The following LRRK2 variants were observed in gnomAD, a reference collection of about 807,000 sequenced individuals.
LRRK2 encodes leucine-rich repeat serine/threonine-protein kinase 2.
Under a neutral mutation model 302.6 loss-of-function variants are expected in LRRK2, and 203 were observed. The observed-to-expected ratio is 0.67, with a 90% CI of 0.60 to 0.75. The LOEUF is 0.75. Ranked by LOEUF, LRRK2 falls within the 30% of genes least tolerant of loss-of-function variation. LRRK2 has a pLI of 0.00. For synonymous variants in LRRK2, 1,066 were observed against 1,031.9 expected, an observed-to-expected ratio of 1.03 and a Z score of -0.63; for missense variants, 2,830 against 2,951.0, an observed-to-expected ratio of 0.96 and a Z score of 0.95.
chr12:40,240,671 TC>T, intron 6 of LRRK2, 54 bp downstream of exon 6: 1 of 1,494,056 alleles, frequency 6.7e-7, no homozygotes, highest in Non-Finnish European at 9.3e-7. Flanking sequence ...TTACAATATA[TC>T]TCATTCTGAG....
At chr12:40,331,395 T>C (rs560664214) in intron 39 of LRRK2, among the ~76,000 whole-genome samples, 14 of 152,204 alleles carry the variant, frequency 9.2e-5, no homozygotes, top group Non-Finnish European at 1.3e-4. Flanking sequence ...AGGCAGGCTT[T>C]GCTCTCTAGA....
chr12:40,363,458 C>T lies in LRRK2; in HGVS notation c.7085C>T (p.Ala2362Val), dbSNP rs1025189687. ...ATCATAACAGTGGTGGTAGACACTG[C>T]TCTCTATATTGCTAAGCAAAATAGC... ...SNIITVVVDT[A>V]LYIAKQNSPV... The change falls in exon 48 of 51, where the codon GCT becomes GTT. Residue 2362 changes from alanine (A) to valine (V), a missense_variant. Around this residue, in one of 3 missense-constraint regions of LRRK2, gnomAD observed 456 missense variants for 456.3 expected, o/e 1.00. Coordinates refer to ENST00000298910, the MANE Select transcript of LRRK2 (RefSeq NM_198578.4). 2 of 1,611,942 alleles carry T rather than the reference C, an allele frequency of 1.2e-6. No homozygotes were observed. Among genetic ancestry groups the T allele is most frequent in the East Asian group, 2.2e-5 (1 of 44,758 alleles).
At chr12:40,365,889 A>G (rs1041101950) in intron 49 of LRRK2, 2 of 151,944 alleles carry the variant, frequency 1.3e-5, no homozygotes, top group African/African-American at 4.8e-5. Context: ...ATGACTGTAA[A>G]CTATTAAGAT....
At chr12:40,336,359 A>G (rs558668878) in intron 40 of LRRK2, among the ~76,000 whole-genome samples, 1 of 152,316 alleles carries the variant, frequency 6.6e-6, no homozygotes, top group Non-Finnish European at 1.5e-5. Context: ...CTATAGGACT[A>G]TTGCTGCCTA....
At chr12:40,333,842 A>C (rs567113750) in intron 39 of LRRK2, among the ~76,000 whole-genome samples, 1 of 152,228 alleles carries the variant, frequency 6.6e-6, no homozygotes, top group East Asian at 2.0e-4. Flanking sequence ...GGGTCAGCAC[A>C]GGCAAAGACC....
chr12:40,359,501 A>G lies in LRRK2; in HGVS notation c.7028+57A>G, dbSNP rs3789330. 1,184,163 of 1,430,894 alleles carry G rather than the reference A, an allele frequency of 0.83. 492,985 individuals carry two copies. The highest frequency in any genetic ancestry group is 0.86 in the Non-Finnish European group (882,154 of 1,025,212). 88.6% of individuals were successfully genotyped at this position (1,430,894 alleles called of 1,614,324 possible). ...ATCATTATACTTTTGTTTTTTCCTT[A>G]TAATCATTAATAATACTGTTGATAA... On this transcript the variant is annotated intron_variant, in intron 47 of 50. Coordinates refer to ENST00000298910, the MANE Select transcript of LRRK2 (RefSeq NM_198578.4).
rs750206201 is a variant in LRRK2, at chr12:40,298,272, G to A, written c.3126G>A (p.Leu1042=). Residue 1042 remains leucine (L), a synonymous_variant, in exon 24 of 51, where the codon TTG becomes TTA. Coordinates refer to ENST00000298910, the MANE Select transcript of LRRK2 (RefSeq NM_198578.4). ...TGAAGAGTTTGACACATTTGGACTT[G>A]CACAGTAATAAATTTACATCATTTC... ...ETLKSLTHLD[L]HSNKFTSFPS... is the part of the protein sequence containing the mutation. The A allele has an allele frequency of 6.2e-7, 1 of 1,613,504 alleles. No homozygotes were observed. The highest frequency in any genetic ancestry group is 1.3e-5 in the African/African-American group (1 of 74,998).
At chr12:40,254,428 G>A (rs1942410171) in intron 11 of LRRK2, among the ~76,000 whole-genome samples, 1 of 152,154 alleles carries the variant, frequency 6.6e-6, no homozygotes, top group Non-Finnish European at 1.5e-5. Flanking sequence ...CAGACAGACA[G>A]GGGCTGCTCT....
intron 27 of LRRK2, chr12:40,304,336 T>G (rs1488207567): frequency 1.7e-6 from 1 of 601,556 alleles, no homozygotes; most frequent in African/African-American, 1.9e-5. Context: ...GTCACTTAAT[T>G]TAATTTCCAT....
chr12:40,278,288 C>T (rs1943545987), intron 18 of LRRK2, 27 bp downstream of exon 18: 15 of 1,613,442 alleles, frequency 9.3e-6, no homozygotes, highest in Non-Finnish European at 1.1e-5. Context: ...TCACTTTTGT[C>T]TTTGCTCAGT....
intron 25 of LRRK2, chr12:40,300,841 G>A (rs1420374244): frequency 2.1e-6 from 1 of 471,162 alleles, no homozygotes. Flanking sequence ...TACCTCAGGG[G>A]AATCTGATTC....
chr12:40,281,003 G>T (rs1943669728), intron 18 of LRRK2, among the ~76,000 whole-genome samples: 1 of 150,778 alleles, frequency 6.6e-6, no homozygotes, highest in Admixed American at 6.6e-5. Flanking sequence ...GGAAGGCGGA[G>T]CTTGCAGTGA....
intron 40 of LRRK2, among the ~76,000 whole-genome samples, chr12:40,337,973 C>A (rs1371574018): frequency 6.6e-6 from 1 of 152,226 alleles, no homozygotes; most frequent in Non-Finnish European, 1.5e-5. Context: ...ACCATCTCTA[C>A]TATGAAGCTC....
intron 40 of LRRK2, among the ~76,000 whole-genome samples, chr12:40,335,836 C>T (rs1344207511): frequency 6.6e-6 from 1 of 152,176 alleles, no homozygotes; most frequent in Non-Finnish European, 1.5e-5. Flanking sequence ...CCATTGCTCC[C>T]CAACCCCAGT....
At chr12:40,237,879 T>C (rs1011303847) in intron 4 of LRRK2, 90 bp from the exon 5 acceptor site, 1 of 1,379,812 alleles carries the variant, frequency 7.2e-7, no homozygotes, top group African/African-American at 1.4e-5. Flanking sequence ...CCATTCACAG[T>C]CTTCATGTAA....
In LRRK2 at chr12:40,315,306, T is replaced by A. The variant is rs550610903; in HGVS notation, c.4827+6T>A. On this transcript the variant is annotated splice_donor_region_variant and intron_variant, in intron 33 of 50. Coordinates refer to ENST00000298910, the MANE Select transcript of LRRK2 (RefSeq NM_198578.4). Reference sequence around the variant, plus strand: ...TTTGTAAAATCATGGCACAGGTTGGTGTCTTTTATTTTTGTGGCACGGGGG... The same window carrying A: ...TTTGTAAAATCATGGCACAGGTTGGAGTCTTTTATTTTTGTGGCACGGGGG... 2.5e-5 allele frequency: 41 copies of A among 1,609,612 alleles called. No homozygotes were observed. In the East Asian group the frequency reaches 6.0e-4, roughly 24 times the overall value.
At chr12:40,225,331 C>T (rs751140391) in intron 1 of LRRK2, 49 bp downstream of exon 1, 2 of 1,602,182 alleles carry the variant, frequency 1.2e-6, no homozygotes, top group East Asian at 2.3e-5. Flanking sequence ...AACTTTCTCC[C>T]CCTCCTTACA....
chr12:40,357,836 G>A (rs1012583589), intron 46 of LRRK2, among the ~76,000 whole-genome samples: 4 of 152,156 alleles, frequency 2.6e-5, no homozygotes, highest in African/African-American at 9.7e-5. Context: ...ACAGTGGCAT[G>A]ATCATAGCTT....
In LRRK2 at chr12:40,226,953, C is replaced by T. The variant is rs191238180; in HGVS notation, c.237+1313C>T. 1.7e-3 allele frequency among the ~76,000 whole-genome samples: 252 copies of T among 147,140 alleles called. 5 individuals carry two copies. Among genetic ancestry groups the T allele is most frequent in the South Asian group, 0.013 (61 of 4,716 alleles). On this transcript the variant is annotated intron_variant, in intron 2 of 50. Coordinates refer to ENST00000298910, the MANE Select transcript of LRRK2 (RefSeq NM_198578.4). ...TTGATACTGCTCAGGACAGTCAGAT[C>T]CTGGGTAGGCGTTTTGGTCTGCAGG...
Sources: allele counts gnomAD v4.1 joint callset (sites outside exome capture counted in the v4.1 genomes callset), GRCh38; gene constraint gnomAD v4.1.1; regional missense constraint gnomAD v4.1.1; transcripts MANE v1.5; gene names NCBI Gene and HGNC (gene_info 2026-07-23, HGNC 2026-07-21).